The following DAG1 variants were observed in gnomAD, a reference collection of about 807,000 sequenced individuals.
The protein encoded by DAG1 is dystroglycan 1 (dystrophin-associated glycoprotein 1).
Under a neutral mutation model 46.1 loss-of-function variants are expected in DAG1, and 8 were observed. The observed-to-expected ratio is 0.17, with a 90% CI of 0.10 to 0.31. DAG1 has a LOEUF of 0.31. DAG1 is among the 10% of genes least tolerant of loss of function. The pLI, the probability that DAG1 is intolerant of heterozygous loss-of-function variation, is 1.00. For missense variants in DAG1, 1,003 were observed against 1,189.9 expected, an observed-to-expected ratio of 0.84 and a Z score of 2.31; for synonymous variants, 495 against 481.8, an observed-to-expected ratio of 1.03 and a Z score of -0.36.
At chr3:49,530,576 G>T (rs562029581) in intron 2 of DAG1, among the ~76,000 whole-genome samples, 4 of 152,242 alleles carry the variant, frequency 2.6e-5, no homozygotes, top group Non-Finnish European at 4.4e-5. Flanking sequence ...TGTGGCCTTG[G>T]GTGAGATATT....
chr3:49,478,346 G>C (rs1185700217), intron 1 of DAG1, among the ~76,000 whole-genome samples: 3 of 144,892 alleles, frequency 2.1e-5, no homozygotes, highest in Admixed American at 7.4e-5. Context: ...TGTAATCCCA[G>C]CATTTTGGGA....
Position 49,532,651 on chromosome 3 carries a change from C to G in DAG1, c.2140C>G (p.Arg714Gly). The change falls in exon 3 of 3, where the codon CGG (arginine) becomes GGG (glycine). Residue 714 changes from arginine to glycine, a missense_variant. Arg to Gly is a moderately radical substitution (Grantham distance 125). This residue lies in a region of DAG1 where 755 missense variants were observed against 854.1 expected (regional missense o/e 0.88). Coordinates refer to ENST00000308775, the MANE Select transcript of DAG1 (RefSeq NM_004393.6). This position sits in a 1 kb window ranked among gnomAD's most constrained non-coding sequence, Gnocchi z 5.4. ...CACTGTGACGGGCTCTGGCAGTTGT[C>G]GGCACCTACAGTTTATCCCTGTGGT... is the stretch of plus-strand genomic sequence containing the variant. Reference protein sequence around the residue: ...SITVTGSGSCRHLQFIPVVPP... With the variant: ...SITVTGSGSCGHLQFIPVVPP... The G allele has an allele frequency of 6.2e-7, 1 of 1,614,070 alleles. No homozygotes were observed. The highest frequency in any genetic ancestry group is 8.5e-7 in the Non-Finnish European group (1 of 1,179,958).
rs2051448828 is a variant in DAG1 at position 49,534,259 on chromosome 3, T to C, written c.*1060T>C. ...TCAGTGGGGGACATTTTGGTGAAGA[T>C]GCAATATTTTTATGTCATGTGATGC... On this transcript the variant is annotated 3_prime_UTR_variant, in exon 3 of 3. Transcript: ENST00000308775. 1 of 152,534 alleles carries C rather than the reference T, an allele frequency of 6.6e-6. No homozygotes were observed. Among genetic ancestry groups the C allele is most frequent in the African/African-American group, 2.4e-5 (1 of 41,400 alleles). 9.4% of individuals were successfully genotyped at this position (152,534 alleles called of 1,614,324 possible).
intron 1 of DAG1, among the ~76,000 whole-genome samples, chr3:49,502,492 TGA>T (rs1198089567): frequency 6.6e-6 from 1 of 152,132 alleles, no homozygotes; most frequent in East Asian, 1.9e-4. Flanking sequence ...TGAAATCCTG[TGA>T]GCCACCTGGT....
chr3:49,478,615 C>G (rs1232253477), intron 1 of DAG1, among the ~76,000 whole-genome samples: 1 of 143,608 alleles, frequency 7.0e-6, no homozygotes, highest in Non-Finnish European at 1.5e-5. Flanking sequence ...TGAGCTTAAG[C>G]GATTCATCTG....
In DAG1 at chr3:49,534,188, T is replaced by G. The variant is rs1392881506; in HGVS notation, c.*989T>G. On this transcript the variant is annotated 3_prime_UTR_variant, in exon 3 of 3. Transcript: ENST00000308775. ...TGTTTTACCCTTTTTCTGTGCATTG[T>G]TTTTTTTTTTCCTCCTAAAAGGAAT... The G allele has an allele frequency of 6.8e-6, 1 of 147,450 alleles. No homozygotes were observed. Among genetic ancestry groups the G allele is most frequent in the East Asian group, 2.0e-4 (1 of 5,038 alleles). The allele number at this position is 147,450 out of a possible 1,614,324, so 9.1% of individuals were successfully genotyped here. A position where few individuals can be genotyped will look rare whatever the true frequency, so the allele number is the denominator to read the frequency against.
At chr3:49,528,367 C>G (rs190584687) in intron 2 of DAG1, among the ~76,000 whole-genome samples, 1 of 138,200 alleles carries the variant, frequency 7.2e-6, no homozygotes, top group East Asian at 2.1e-4. Context: ...TCACTGCAGC[C>G]TCTGTCTCCT....
chr3:49,489,222 A>G (rs1195264467), intron 1 of DAG1, among the ~76,000 whole-genome samples: 3 of 151,732 alleles, frequency 2.0e-5, no homozygotes, highest in Non-Finnish European at 4.4e-5. Flanking sequence ...CCTCCCGAAT[A>G]GCTGGGATTA....
At chr3:49,484,743 G>T (rs1344123524) in intron 1 of DAG1, among the ~76,000 whole-genome samples, 3 of 151,796 alleles carry the variant, frequency 2.0e-5, no homozygotes, top group Non-Finnish European at 4.4e-5. Flanking sequence ...TCTGTGCCCA[G>T]TTTGCTGTGG....
intron 1 of DAG1, among the ~76,000 whole-genome samples, chr3:49,494,340 T>G (rs2050257143): frequency 1.2e-3 from 1 of 832 alleles, no homozygotes; most frequent in South Asian, 0.042. Flanking sequence ...GTCCCAGGCC[T>G]TTATTACAGG....
intron 1 of DAG1, among the ~76,000 whole-genome samples, chr3:49,503,459 C>A (rs1358594818): frequency 6.6e-6 from 1 of 152,178 alleles, no homozygotes; most frequent in South Asian, 2.1e-4. Flanking sequence ...GGATTCATTA[C>A]CTATCACATG....
chr3:49,503,489 C>T (rs2050513065), intron 1 of DAG1, among the ~76,000 whole-genome samples: 1 of 152,112 alleles, frequency 6.6e-6, no homozygotes, highest in Admixed American at 6.6e-5. Flanking sequence ...AGCTTTTTCC[C>T]AGCCTGTGGT....
intron 1 of DAG1, among the ~76,000 whole-genome samples, chr3:49,487,595 G>T (rs1183092102): frequency 6.6e-6 from 1 of 152,010 alleles, no homozygotes; most frequent in Non-Finnish European, 1.5e-5. Flanking sequence ...GGCCCAGGAG[G>T]TGCCTTGGTT....
chr3:49,483,265 G>A (rs1479776416), intron 1 of DAG1, among the ~76,000 whole-genome samples: 3 of 149,690 alleles, frequency 2.0e-5, no homozygotes, highest in South Asian at 2.1e-4. Context: ...GTGCAGTGGC[G>A]TGATCTCAGC....
chr3:49,493,447 C>A (rs905912959), intron 1 of DAG1, among the ~76,000 whole-genome samples: 2 of 152,082 alleles, frequency 1.3e-5, no homozygotes, highest in Non-Finnish European at 2.9e-5. Flanking sequence ...AGAGAATGAT[C>A]AAAGATCACA....
intron 1 of DAG1, among the ~76,000 whole-genome samples, chr3:49,496,142 T>G (rs1034124303): frequency 1.5e-4 from 23 of 152,058 alleles, no homozygotes; most frequent in African/African-American, 5.3e-4. Flanking sequence ...TAAGTAATGT[T>G]TTCTAAAATA....
At chr3:49,474,096 C>T (rs553268248) in intron 1 of DAG1, among the ~76,000 whole-genome samples, 5 of 152,190 alleles carry the variant, frequency 3.3e-5, no homozygotes, top group East Asian at 1.9e-4. Flanking sequence ...GCTCTGTTGC[C>T]GAAGCTGGAG....
chr3:49,494,391 C>T (rs961087709), intron 1 of DAG1, among the ~76,000 whole-genome samples: 2 of 152,130 alleles, frequency 1.3e-5, no homozygotes, highest in Non-Finnish European at 2.9e-5. Flanking sequence ...CTGGAGCTTC[C>T]CTGACATTTC....
chr3:49,474,330 A>G (rs561938646), intron 1 of DAG1, among the ~76,000 whole-genome samples: 57 of 152,118 alleles, frequency 3.7e-4, no homozygotes, highest in South Asian at 4.1e-4. Flanking sequence ...CTGGGATTAC[A>G]GGCGTGAGCC....
Sources: gnomAD v4.1 joint callset for allele counts (sites outside exome capture counted in the v4.1 genomes callset) on GRCh38, gnomAD v4.1.1 for gene constraint, gnomAD v4.1.1 regional missense constraint, Gnocchi (gnomAD v3.1) non-coding constraint, MANE v1.5 for transcripts, NCBI Gene and HGNC (gene_info 2026-07-23, HGNC 2026-07-21) for gene names.